MYO5A: variants seen among roughly 807,000 people sequenced by gnomAD.
MYO5A encodes the protein unconventional myosin-Va.
A neutral mutation model predicts 249.7 loss-of-function variants in MYO5A; 98 were observed. The ratio of observed to expected loss-of-function variants is 0.39; its 90% CI spans 0.33 to 0.46. The LOEUF is 0.46. Ranked by LOEUF, MYO5A falls within the 20% of genes least tolerant of loss-of-function variation. The probability of loss-of-function intolerance (pLI) is 0.98; values close to 1 mark genes in which losing one functional copy is unlikely to be tolerated. For synonymous variants in MYO5A, 778 were observed against 810.6 expected, an observed-to-expected ratio of 0.96 and a Z score of 0.68; for missense variants, 1,696 against 2,308.8, an observed-to-expected ratio of 0.73 and a Z score of 5.44.
intron 1 of MYO5A, among the ~76,000 whole-genome samples, chr15:52,443,157 C>T (rs1265163531): frequency 6.6e-6 from 1 of 152,116 alleles, no homozygotes; most frequent in East Asian, 1.9e-4. Context: ...TCTGGTGAAA[C>T]TTAAGAATGT....
At chr15:52,470,101 T>C (rs572959515) in intron 1 of MYO5A, among the ~76,000 whole-genome samples, 17 of 152,358 alleles carry the variant, frequency 1.1e-4, no homozygotes, top group African/African-American at 4.1e-4. Context: ...ATAACAATAA[T>C]GGCACCTTCA....
chr15:52,434,142 G>T (rs1881424202), intron 1 of MYO5A, among the ~76,000 whole-genome samples: 1 of 152,000 alleles, frequency 6.6e-6, no homozygotes, highest in South Asian at 2.1e-4. Flanking sequence ...TGGGACTACA[G>T]GCATGTGCCA....
intron 1 of MYO5A, among the ~76,000 whole-genome samples, chr15:52,480,720 G>A (rs1371188065): frequency 6.6e-6 from 1 of 152,202 alleles, no homozygotes; most frequent in African/African-American, 2.4e-5. Flanking sequence ...TCATTGGAGA[G>A]TGTGGTATAA....
Position 52,420,696 on chromosome 15 carries a change from ATCTG to A in MYO5A, c.456-4399_456-4396del, listed in dbSNP as rs1354649836. On this transcript the variant is annotated intron_variant, in intron 4 of 41. Coordinates refer to ENST00000399233, the MANE Select transcript of MYO5A (RefSeq NM_001382347.1). ...TGAGCTGGGGTCATCTGAAAGTAAA[ATCTG>A]AGTGGGATAATGAAGTATAAATATA... Among the ~76,000 whole-genome samples, 3 of 152,210 alleles carry A rather than the reference ATCTG, an allele frequency of 2.0e-5. No individual in the cohort carries two copies. The East Asian group carries it at 5.8e-4, about 29-fold the overall frequency.
At chr15:52,404,416 C>T (rs531799388) in intron 9 of MYO5A, among the ~76,000 whole-genome samples, 2 of 151,814 alleles carry the variant, frequency 1.3e-5, no homozygotes, top group African/African-American at 4.8e-5. Flanking sequence ...TCTTTTCTTA[C>T]AGGAGTAGAG....
At position 52,500,800 on chromosome 15, in the gene MYO5A, T is replaced by A. The variant is rs75501252; in HGVS notation, c.27+27980A>T. ...AGGTAGCTTTCTCCTTTTCTCTCCC[T>A]TCTCTCAAAAAACGTTCTTCTTAGT... On this transcript the variant is annotated intron_variant, in intron 1 of 41. Coordinates refer to ENST00000399233, the MANE Select transcript of MYO5A (RefSeq NM_001382347.1). Among the ~76,000 whole-genome samples the A allele has an allele frequency of 2.8e-4, 43 of 152,200 alleles. 2 individuals carry two copies. In the East Asian group the frequency reaches 7.9e-3, roughly 28 times the overall value.
At chr15:52,338,195 C>G (rs1050632483) in intron 32 of MYO5A, among the ~76,000 whole-genome samples, 2 of 151,566 alleles carry the variant, frequency 1.3e-5, no homozygotes, top group African/African-American at 4.9e-5. Context: ...CCCAGCCTCC[C>G]CAACACATGA....
chr15:52,363,849 G>A (rs1253328042), intron 24 of MYO5A, among the ~76,000 whole-genome samples: 1 of 152,158 alleles, frequency 6.6e-6, no homozygotes, highest in African/African-American at 2.4e-5. Context: ...ATTACAAATG[G>A]AGTCTGAATT....
intron 4 of MYO5A, among the ~76,000 whole-genome samples, chr15:52,417,708 C>G (rs2043572784): frequency 6.6e-6 from 1 of 152,164 alleles, no homozygotes; most frequent in Non-Finnish European, 1.5e-5. Flanking sequence ...CGGGAGTGGG[C>G]TCCTGATAAA....
At chr15:52,378,566 TAAA>T (rs1311854362) in intron 18 of MYO5A, among the ~76,000 whole-genome samples, 2 of 68,364 alleles carry the variant, frequency 2.9e-5, no homozygotes, top group Admixed American at 1.7e-4. Context: ...AAGCCCCAGT[TAAA>T]AAAAAAAAAA....
chr15:52,515,234 G>A (rs900872744), intron 1 of MYO5A, among the ~76,000 whole-genome samples: 3 of 151,026 alleles, frequency 2.0e-5, no homozygotes, highest in East Asian at 3.9e-4. Context: ...CTATGATCAC[G>A]TCACTGCACT....
intron 4 of MYO5A, among the ~76,000 whole-genome samples, chr15:52,424,975 T>C (rs1219256476): frequency 1.3e-5 from 2 of 152,176 alleles, no homozygotes; most frequent in Non-Finnish European, 2.9e-5. Context: ...ACACTTTCAG[T>C]TGGGCATGGT....
chr15:52,470,826 C>G (rs1394943930), intron 1 of MYO5A, among the ~76,000 whole-genome samples: 1 of 151,952 alleles, frequency 6.6e-6, no homozygotes. Context: ...CATTCGAGAC[C>G]AGGCTGGCCA....
At chr15:52,407,860 G>A (rs2043076147) in intron 7 of MYO5A, among the ~76,000 whole-genome samples, 199 bp downstream of exon 7, 1 of 151,968 alleles carries the variant, frequency 6.6e-6, no homozygotes, top group Non-Finnish European at 1.5e-5. Context: ...TCACCTCCAG[G>A]CCAATCCTGT....
At chr15:52,501,744 G>C (rs966641207) in intron 1 of MYO5A, among the ~76,000 whole-genome samples, 1 of 151,836 alleles carries the variant, frequency 6.6e-6, no homozygotes. Flanking sequence ...ATTGAATAAA[G>C]TATTAATAGA....
intron 27 of MYO5A, among the ~76,000 whole-genome samples, chr15:52,352,008 C>T (rs555348844): frequency 5.3e-5 from 8 of 152,352 alleles, no homozygotes; most frequent in Admixed American, 1.3e-4. Context: ...CTCATTCAAA[C>T]TGGTAAAACT....
At chr15:52,441,374 C>T (rs570759500) in intron 1 of MYO5A, among the ~76,000 whole-genome samples, 3 of 152,040 alleles carry the variant, frequency 2.0e-5, no homozygotes, top group South Asian at 2.1e-4. Flanking sequence ...GAAAGAATGA[C>T]GTAATGAACT....
intron 5 of MYO5A, chr15:52,415,904 A>T: frequency 1.9e-6 from 1 of 525,962 alleles, no homozygotes; most frequent in Non-Finnish European, 3.4e-6. Context: ...TTTTGCTGGT[A>T]GGTCAAAAAT....
chr15:52,507,803 C>CAAAAAAAAAAAAAAAAAAAA lies in MYO5A; in HGVS notation c.27+20976_27+20977insTTTTTTTTTTTTTTTTTTTT, dbSNP rs146846192. On this transcript the variant is annotated intron_variant, in intron 1 of 41. Coordinates refer to ENST00000399233, the MANE Select transcript of MYO5A (RefSeq NM_001382347.1). ...TGAGCAACAGAATGAGACCCTGTCCCCAAAAAAAAAAAAAAAAAGTGTAAT... is the reference window on the plus strand; with the variant it reads ...TGAGCAACAGAATGAGACCCTGTCCCAAAAAAAAAAAAAAAAAAAACAAAAAAAAAAAAAAAAAGTGTAAT... Among the ~76,000 whole-genome samples, 37 of 127,124 alleles carry CAAAAAAAAAAAAAAAAAAAA rather than the reference C, an allele frequency of 2.9e-4. 2 individuals carry two copies. Among genetic ancestry groups the CAAAAAAAAAAAAAAAAAAAA allele is most frequent in the Non-Finnish European group, 4.1e-4 (25 of 61,592 alleles). The allele number at this position is 127,124 out of a possible 152,430, so 83.4% of individuals were successfully genotyped here.
Sources: gnomAD v4.1 joint callset for allele counts (sites outside exome capture counted in the v4.1 genomes callset) on GRCh38, gnomAD v4.1.1 for gene constraint, MANE v1.5 for transcripts, NCBI Gene and HGNC (gene_info 2026-07-23, HGNC 2026-07-21) for gene names.